Variants in DLC1 observed in about 807,000 individuals in gnomAD.
DLC1 encodes the protein DLC1 Rho GTPase activating protein.
Under a neutral mutation model 140.3 loss-of-function variants are expected in DLC1, and 54 were observed. That is an observed-to-expected ratio of 0.38 (90% confidence interval 0.31 to 0.48). The LOEUF (loss-of-function observed/expected upper bound fraction) is 0.48. Ranked by LOEUF, DLC1 falls within the 20% of genes least tolerant of loss-of-function variation. The pLI, the probability that DLC1 is intolerant of heterozygous loss-of-function variation, is 0.96. For missense variants in DLC1, 2,536 were observed against 1,907.0 expected (o/e 1.33, Z -6.14); for synonymous variants, 986 against 728.1 (o/e 1.35, Z -5.70).
At chr8:13,087,998 C>A (rs1452114706) in intron 16 of DLC1, among the ~76,000 whole-genome samples, 1 of 152,218 alleles carries the variant, frequency 6.6e-6, no homozygotes, top group African/African-American at 2.4e-5. Context: ...TCAGACCATT[C>A]TCAGCGAGGA....
intron 5 of DLC1, among the ~76,000 whole-genome samples, chr8:13,141,873 T>A (rs1004356709): frequency 2.0e-5 from 3 of 152,192 alleles, no homozygotes; most frequent in Middle Eastern, 3.2e-3. Context: ...TTACACATTT[T>A]AAAAAATAGA....
At position 13,474,913 on chromosome 8, in the gene DLC1, T is replaced by C. The variant is rs969924660; in HGVS notation, c.1023+24136A>G. Among the ~76,000 whole-genome samples, 4 of 152,326 alleles carry C rather than the reference T, an allele frequency of 2.6e-5. No individual in the cohort carries two copies. In the East Asian group the frequency reaches 7.7e-4, roughly 29 times the overall value. On this transcript the variant is annotated intron_variant, in intron 2 of 17. Transcript: ENST00000276297. ...GGCTCATAGGCAGAAGGCACTTGCCTTGTCTCAGATGAGACTTAGGACTGT... is the reference window on the plus strand; with the variant it reads ...GGCTCATAGGCAGAAGGCACTTGCCCTGTCTCAGATGAGACTTAGGACTGT...
chr8:13,366,827 C>G (rs943432051), intron 4 of DLC1, among the ~76,000 whole-genome samples: 4 of 152,118 alleles, frequency 2.6e-5, no homozygotes, highest in Non-Finnish European at 5.9e-5. Context: ...GTACTTTGTT[C>G]CAGAAGCTTT....
chr8:13,402,939 A>T (rs994663223), intron 2 of DLC1, among the ~76,000 whole-genome samples: 7 of 152,250 alleles, frequency 4.6e-5, no homozygotes, highest in Non-Finnish European at 1.0e-4. Flanking sequence ...CACAGGTATT[A>T]TCTTTCACAT....
At chr8:13,107,935 A>G (rs1313224603) in intron 7 of DLC1, among the ~76,000 whole-genome samples, 1 of 152,106 alleles carries the variant, frequency 6.6e-6, no homozygotes, top group Non-Finnish European at 1.5e-5. Context: ...AATCCCAGCT[A>G]TTCAGGGGGC....
At chr8:13,284,812 C>T (rs1229771837) in intron 5 of DLC1, among the ~76,000 whole-genome samples, 1 of 152,094 alleles carries the variant, frequency 6.6e-6, no homozygotes, top group Non-Finnish European at 1.5e-5. Flanking sequence ...CTTAGAGATA[C>T]ATTTAATAAA....
At chr8:13,376,123 T>C (rs1253465181) in intron 4 of DLC1, among the ~76,000 whole-genome samples, 2 of 152,116 alleles carry the variant, frequency 1.3e-5, no homozygotes, top group African/African-American at 4.8e-5. Context: ...CTGAAGAAAA[T>C]GGTTTGGCCA....
intron 2 of DLC1, among the ~76,000 whole-genome samples, chr8:13,494,601 C>T (rs1253602788): frequency 6.6e-6 from 1 of 152,090 alleles, no homozygotes; most frequent in Non-Finnish European, 1.5e-5. Context: ...AGAAATATGT[C>T]ATTTGAACCA....
chr8:13,284,432 TAGG>T (rs946227121), intron 5 of DLC1, among the ~76,000 whole-genome samples: 22 of 152,064 alleles, frequency 1.4e-4, no homozygotes, highest in Admixed American at 6.5e-4. Flanking sequence ...AAGGCTGAGG[TAGG>T]AGAATTGCTT....
At position 13,086,440 on chromosome 8, in the gene DLC1, T is replaced by C; in HGVS notation, c.4316A>G (p.Lys1439Arg). The C allele has an allele frequency of 6.2e-6, 10 of 1,614,096 alleles. No individual in the cohort carries two copies. Among genetic ancestry groups the C allele is most frequent in the Non-Finnish European group, 7.6e-6 (9 of 1,180,018 alleles). Residue 1439 changes from lysine to arginine, a missense_variant, in exon 17 of 18, where the codon AAA (lysine) becomes AGA (arginine). Transcript: ENST00000276297. ...VLRTWRTNLP[K>R]GACALLLTSV... ...GGTTAGTAAAAGGGCACAGGCTCCT[T>C]TGGGTAAATTAGTCCTCCAGGTTCT...
At chr8:13,267,579 A>G (rs972652035) in intron 5 of DLC1, among the ~76,000 whole-genome samples, 2 of 152,214 alleles carry the variant, frequency 1.3e-5, no homozygotes, top group African/African-American at 4.8e-5. Context: ...GATAAAACAA[A>G]GTCTAGACAC....
At chr8:13,590,077 A>ATATATATATCTATATATATATCTC (rs11272767) in intron 1 of DLC1, among the ~76,000 whole-genome samples, 1 of 145,192 alleles carries the variant, frequency 6.9e-6, no homozygotes, top group Admixed American at 6.7e-5. Flanking sequence ...ATATATATAT[A>ATATATATATCTATATATATATCTC]CAAACACATG....
At chr8:13,534,346 T>G (rs1803197170) in intron 1 of DLC1, among the ~76,000 whole-genome samples, 1 of 152,180 alleles carries the variant, frequency 6.6e-6, no homozygotes, top group Admixed American at 6.5e-5. Flanking sequence ...TAATATTGTA[T>G]TTTTCTTTTT....
At chr8:13,260,851 A>C (rs560314848) in intron 5 of DLC1, among the ~76,000 whole-genome samples, 1 of 152,190 alleles carries the variant, frequency 6.6e-6, no homozygotes, top group Non-Finnish European at 1.5e-5. Context: ...AAAAAATGTG[A>C]GATAGATGCT....
intron 2 of DLC1, among the ~76,000 whole-genome samples, chr8:13,490,442 C>T (rs2117160501): frequency 6.6e-6 from 1 of 152,188 alleles, no homozygotes; most frequent in South Asian, 2.1e-4. Context: ...TTGTTGGCAG[C>T]AAGGGATAAG....
At chr8:13,485,935 A>G (rs1481622601) in intron 2 of DLC1, among the ~76,000 whole-genome samples, 3 of 152,234 alleles carry the variant, frequency 2.0e-5, no homozygotes, top group Non-Finnish European at 4.4e-5. Flanking sequence ...AAAAATTTGC[A>G]TGACGAGTAC....
At chr8:13,523,301 G>T (rs1797251696) in intron 1 of DLC1, among the ~76,000 whole-genome samples, 2 of 152,044 alleles carry the variant, frequency 1.3e-5, no homozygotes, top group South Asian at 4.1e-4. Flanking sequence ...AATTAAATTT[G>T]CTATATAAGA....
intron 1 of DLC1, among the ~76,000 whole-genome samples, chr8:13,506,982 C>T (rs924720921): frequency 6.6e-6 from 1 of 151,864 alleles, no homozygotes; most frequent in African/African-American, 2.4e-5. Flanking sequence ...TCGTATGTGC[C>T]CCCAAAACAC....
At chr8:13,200,665 T>A (rs1827330330) in intron 5 of DLC1, among the ~76,000 whole-genome samples, 1 of 151,932 alleles carries the variant, frequency 6.6e-6, no homozygotes, top group Admixed American at 6.6e-5. Flanking sequence ...CCTGCAGTAG[T>A]ACAGTCATAA....
Sources: gnomAD v4.1 joint callset for allele counts (sites outside exome capture counted in the v4.1 genomes callset) on GRCh38, gnomAD v4.1.1 for gene constraint, MANE v1.5 for transcripts, NCBI Gene and HGNC (gene_info 2026-07-23, HGNC 2026-07-21) for gene names.